The following FASTKD2 variants were observed in gnomAD, a reference collection of about 807,000 sequenced individuals.
FASTKD2 encodes the protein FAST kinase domains 2.
A neutral mutation model predicts 63.6 loss-of-function variants in FASTKD2; 51 were observed. The observed-to-expected ratio is 0.80, with a 90% CI of 0.64 to 1.01. FASTKD2 has a LOEUF of 1.01. FASTKD2 is among the 50% of genes least tolerant of loss of function. The pLI is 0.00. For synonymous variants in FASTKD2, 284 were observed against 293.4 expected (o/e 0.97, Z 0.33); for missense variants, 786 against 831.1 (o/e 0.95, Z 0.67).
chr2:206,790,735 C>G (rs1438539399), intron 11 of FASTKD2, 49 bp downstream of exon 11: 1 of 1,072,972 alleles, frequency 9.3e-7, no homozygotes, highest in Non-Finnish European at 1.5e-6. Flanking sequence ...GATGTACATT[C>G]TAACAGCTGC....
rs775300284 is a variant in FASTKD2, at chr2:206,792,614, C to T, written c.*812C>T. 69 of 152,228 alleles carry T rather than the reference C, an allele frequency of 4.5e-4. No individual in the cohort carries two copies. Among genetic ancestry groups the T allele is most frequent in the African/African-American group, 1.4e-3 (60 of 41,516 alleles). The allele number at this position is 152,228 out of a possible 1,614,324, so 9.4% of individuals were successfully genotyped here. ...ATGCCTGTCTACCTAGTATTTGGCT[C>T]GCTGGGGATATAGTGATGAATAGGC... On this transcript the variant is annotated 3_prime_UTR_variant, in exon 12 of 12. Transcript: ENST00000402774.
chr2:206,789,656 C>T (rs1414954649), intron 10 of FASTKD2: 12 of 152,274 alleles, frequency 7.9e-5, no homozygotes, highest in Admixed American at 7.9e-4. Flanking sequence ...AAGCTCTTAT[C>T]TGCCCATCCC....
intron 7 of FASTKD2, among the ~76,000 whole-genome samples, chr2:206,781,941 G>A (rs1689996281): frequency 6.6e-6 from 1 of 152,122 alleles, no homozygotes; most frequent in African/African-American, 2.4e-5. Context: ...AGGCTAGGAT[G>A]TTGAAGACAT....
intron 4 of FASTKD2, 107 bp downstream of exon 4, chr2:206,771,397 A>C (rs1054936826): frequency 4.1e-6 from 3 of 723,292 alleles, no homozygotes; most frequent in Non-Finnish European, 7.6e-6. Context: ...CTGGGCTTTT[A>C]GGTTTAGCTT....
intron 10 of FASTKD2, chr2:206,789,647 A>C (rs1347221082): frequency 6.6e-6 from 1 of 152,270 alleles, no homozygotes; most frequent in Non-Finnish European, 1.5e-5. Flanking sequence ...TAGGGATCCA[A>C]GCTCTTATCT....
intron 2 of FASTKD2, 64 bp downstream of exon 2, chr2:206,767,534 G>A (rs986049060): frequency 1.5e-6 from 2 of 1,307,360 alleles, no homozygotes; most frequent in East Asian, 2.4e-5. Flanking sequence ...AAGAATGAAG[G>A]GATATAGATA....
At chr2:206,777,436 A>C (rs1162454474) in intron 7 of FASTKD2, among the ~76,000 whole-genome samples, 1 of 151,858 alleles carries the variant, frequency 6.6e-6, no homozygotes, top group Non-Finnish European at 1.5e-5. Context: ...TGATCATATG[A>C]TTTTTCTCCT....
At chr2:206,772,383 T>C in intron 6 of FASTKD2, 63 bp downstream of exon 6, 1 of 1,459,468 alleles carries the variant, frequency 6.9e-7, no homozygotes, top group Non-Finnish European at 9.6e-7. Context: ...TCATGTAGCA[T>C]TTTAAGTATT....
intron 9 of FASTKD2, 59 bp downstream of exon 9, chr2:206,788,214 AC>A: frequency 1.6e-6 from 2 of 1,279,518 alleles, no homozygotes; most frequent in African/African-American, 1.5e-5. Flanking sequence ...TTTTTTTCTG[AC>A]CAAAAAAATA....
intron 7 of FASTKD2, among the ~76,000 whole-genome samples, chr2:206,779,644 C>G (rs1349332105): frequency 6.6e-6 from 1 of 152,166 alleles, no homozygotes; most frequent in African/African-American, 2.4e-5. Flanking sequence ...CAATCACCTT[C>G]CAACAGGTCT....
intron 10 of FASTKD2, chr2:206,790,163 C>T (rs377478262): frequency 8.2e-4 from 130 of 158,060 alleles, no homozygotes; most frequent in African/African-American, 2.7e-3. Context: ...GCTGCTTTCT[C>T]TGGGAGATGA....
At chr2:206,768,695 G>A (rs553701026) in intron 2 of FASTKD2, among the ~76,000 whole-genome samples, 89 of 152,276 alleles carry the variant, frequency 5.8e-4, no homozygotes, top group African/African-American at 2.1e-3. Context: ...GCCAGACCCT[G>A]TCTGAAAATA....
rs1212749920 is a variant in FASTKD2 at position 206,772,182 on chromosome 2, T to G, written c.1116T>G (p.Asp372Glu). The G allele has an allele frequency of 2.5e-6, 4 of 1,611,164 alleles. No homozygotes were observed. Among genetic ancestry groups the G allele is most frequent in the Non-Finnish European group, 3.4e-6 (4 of 1,177,412 alleles). Residue 372 changes from aspartate (D) to glutamate (E), a missense_variant and splice_region_variant, in exon 6 of 12, where the codon GAT (aspartate) becomes GAG (glutamate). Asp to Glu is a conservative substitution (Grantham distance 45). Transcript: ENST00000402774. ...TGTTTATTTAACTCATTCTTCAAGA[T>G]AATATCCATGGGTGTCCTTTAAGAA... Reference protein sequence around the residue: ...LLDECSKVVLDNIHGCPLRIM... With the variant: ...LLDECSKVVLENIHGCPLRIM...
rs200244503 is a variant in FASTKD2, at chr2:206,767,276, C to G, written c.583C>G (p.Leu195Val). ...AGCAATGTGGACAATTGCCAAAAGACTGTCTGATGACCAGAAGCGCTTTGA... is the reference window on the plus strand; with the variant it reads ...AGCAATGTGGACAATTGCCAAAAGAGTGTCTGATGACCAGAAGCGCTTTGA... ...FTAMWTIAKRLSDDQKRFEKR... is the reference protein window; with the variant it reads ...FTAMWTIAKRVSDDQKRFEKR... Residue 195 changes from leucine to valine, a missense_variant, in exon 2 of 12, where the codon CTG becomes GTG. By Grantham distance (32) the Leu-to-Val change is conservative. Transcript: ENST00000402774. 5 of 1,614,102 alleles carry G rather than the reference C, an allele frequency of 3.1e-6. No individual in the cohort carries two copies. The highest frequency in any genetic ancestry group is 3.4e-6 in the Non-Finnish European group (4 of 1,180,036).
intron 9 of FASTKD2, 23 bp from the exon 10 acceptor site, chr2:206,788,796 T>G: frequency 8.3e-7 from 1 of 1,210,274 alleles, no homozygotes; most frequent in Non-Finnish European, 1.2e-6. Context: ...TTTGAAAAAT[T>G]AATATCAATT....
Position 206,770,106 on chromosome 2 carries a change from T to A in FASTKD2, c.793T>A (p.Cys265Ser). ...LRVTQERINE[C>S]DEICLSVLST... ...ATTTCAATAGGAACGTATCAATGAGTGTGATGAGATATGCCTTTCAGTTTT... is the reference window on the plus strand; with the variant it reads ...ATTTCAATAGGAACGTATCAATGAGAGTGATGAGATATGCCTTTCAGTTTT... The change falls in exon 3 of 12, where the codon TGT becomes AGT. Residue 265 changes from cysteine (C) to serine (S), a missense_variant. Physicochemically the swap from Cys to Ser is moderately radical, Grantham distance 112. Transcript: ENST00000402774. 1 of 1,600,818 alleles carries A rather than the reference T, an allele frequency of 6.2e-7. No homozygotes were observed. The highest frequency in any genetic ancestry group is 8.6e-7 in the Non-Finnish European group (1 of 1,167,904).
chr2:206,787,898 A>T (rs2105986920), intron 8 of FASTKD2, 39 bp from the exon 9 acceptor site: 7 of 1,166,786 alleles, frequency 6.0e-6, no homozygotes, highest in Middle Eastern at 2.6e-4. Flanking sequence ...TGTTGCATTT[A>T]TTTCTTCTTA....
intron 10 of FASTKD2, 165 bp from the exon 11 acceptor site, chr2:206,790,407 G>A: frequency 1.6e-6 from 1 of 635,378 alleles, no homozygotes; most frequent in Non-Finnish European, 2.9e-6. Context: ...TTGTATAGTG[G>A]AATATCTGCA....
chr2:206,790,754 T>A, intron 11 of FASTKD2, 68 bp downstream of exon 11: 1 of 963,476 alleles, frequency 1.0e-6, no homozygotes, highest in Non-Finnish European at 1.7e-6. Context: ...GCCAGGAATC[T>A]TGTGGTTGAG....
Sources: allele counts gnomAD v4.1 joint callset (sites outside exome capture counted in the v4.1 genomes callset), GRCh38; gene constraint gnomAD v4.1.1; transcripts MANE v1.5; gene names NCBI Gene and HGNC (gene_info 2026-07-23, HGNC 2026-07-21).